NRCAM: variants seen among roughly 807,000 people sequenced by gnomAD.
The protein encoded by NRCAM is NgCAM-related cell adhesion molecule.
A neutral mutation model predicts 156.5 loss-of-function variants in NRCAM; 83 were observed. The ratio of observed to expected loss-of-function variants is 0.53; its 90% CI spans 0.44 to 0.64. The LOEUF (loss-of-function observed/expected upper bound fraction) is 0.64. NRCAM is among the 30% of genes least tolerant of loss of function. NRCAM has a pLI of 0.00. For synonymous variants in NRCAM, 538 were observed against 563.9 expected, an observed-to-expected ratio of 0.95 and a Z score of 0.65; for missense variants, 1,417 against 1,597.3, an observed-to-expected ratio of 0.89 and a Z score of 1.92.
chr7:108,195,710 G>T, intron 15 of NRCAM, 51 bp downstream of exon 15: 3 of 985,878 alleles, frequency 3.0e-6, no homozygotes, highest in Non-Finnish European at 3.2e-6. Context: ...AGAATATGAA[G>T]CCTTTAGCAA....
Position 108,358,757 on chromosome 7 carries a change from C to T in NRCAM, c.-174+40679G>A, listed in dbSNP as rs962139294. 9.8e-5 allele frequency among the ~76,000 whole-genome samples: 15 copies of T among 152,294 alleles called. No individual in the cohort carries two copies. The South Asian group carries it at 2.1e-3, about 21-fold the overall frequency. On this transcript the variant is annotated intron_variant, in intron 2 of 32. Transcript: ENST00000379028. ...GAGTTTGTTTACCCTATTAGCAAAA[C>T]GAACTGAGTACTGCCTCTGGGTATG...
chr7:108,245,894 G>C (rs7777092), intron 3 of NRCAM, among the ~76,000 whole-genome samples: 11,146 of 152,132 alleles, frequency 0.073, 594 homozygotes, highest in African/African-American at 0.14. Flanking sequence ...AAAGAAAATA[G>C]AACAATATGA....
intron 12 of NRCAM, 144 bp downstream of exon 12, chr7:108,209,277 A>G: frequency 1.7e-6 from 1 of 573,406 alleles, no homozygotes; most frequent in East Asian, 3.3e-5. Flanking sequence ...TGCACTACCA[A>G]TAGCAATGAG....
chr7:108,454,168 A>C (rs1853789988), intron 1 of NRCAM, among the ~76,000 whole-genome samples: 1 of 152,214 alleles, frequency 6.6e-6, no homozygotes, highest in African/African-American at 2.4e-5. Flanking sequence ...TATGTAAAGG[A>C]GTTACATGGG....
At chr7:108,436,003 G>A (rs1281023301) in intron 1 of NRCAM, among the ~76,000 whole-genome samples, 5 of 152,162 alleles carry the variant, frequency 3.3e-5, no homozygotes, top group African/African-American at 7.2e-5. Context: ...GCGTGTTGGC[G>A]GGCACCTGTA....
intron 25 of NRCAM, among the ~76,000 whole-genome samples, chr7:108,179,325 G>T (rs996029816): frequency 2.6e-5 from 4 of 152,144 alleles, no homozygotes; most frequent in African/African-American, 7.2e-5. Context: ...AATGAGATGG[G>T]AGCTGGGATG....
At chr7:108,310,492 G>A (rs1210312918) in intron 3 of NRCAM, among the ~76,000 whole-genome samples, 1 of 152,166 alleles carries the variant, frequency 6.6e-6, no homozygotes, top group Non-Finnish European at 1.5e-5. Context: ...AAGGATGTGG[G>A]ATGGGCCTGA....
At chr7:108,180,088 G>T in intron 25 of NRCAM, 135 bp downstream of exon 25, 3 of 702,362 alleles carry the variant, frequency 4.3e-6, no homozygotes, top group Non-Finnish European at 4.7e-6. Flanking sequence ...CTTTGTGTGT[G>T]CTGTATTCAT....
intron 1 of NRCAM, among the ~76,000 whole-genome samples, chr7:108,400,962 T>A (rs2099790860): frequency 6.6e-6 from 1 of 152,094 alleles, no homozygotes; most frequent in South Asian, 2.1e-4. Context: ...GGGTTCCTGC[T>A]TTTTAAGGAA....
At chr7:108,175,276 T>G in intron 28 of NRCAM, 46 bp downstream of exon 28, 1 of 1,512,394 alleles carries the variant, frequency 6.6e-7, no homozygotes. Flanking sequence ...TGTTTCACAT[T>G]GCAAATTTCA....
In NRCAM at chr7:108,226,269, A is replaced by G; in HGVS notation, c.660T>C (p.Ala220=). The change falls in exon 9 of 33, where the codon GCT becomes GCC. Residue 220 remains alanine (A), a synonymous_variant. Transcript: ENST00000379028. ...GTATGGTTTGAGTATGATTAAATCT[A>G]GCATAACAGATATAGTCTTCGCGGG... ...EDTREDYICY[A]RFNHTQTIQQ... 6.2e-7 allele frequency: 1 copy of G among 1,610,714 alleles called. No individual in the cohort carries two copies.
intron 3 of NRCAM, among the ~76,000 whole-genome samples, chr7:108,279,477 T>C (rs957985319): frequency 7.9e-5 from 12 of 152,122 alleles, no homozygotes; most frequent in African/African-American, 2.9e-4. Flanking sequence ...ATTTATGCCC[T>C]CACCCACAGT....
At chr7:108,224,969 CT>C (rs760402482) in intron 10 of NRCAM, among the ~76,000 whole-genome samples, 1 of 152,104 alleles carries the variant, frequency 6.6e-6, no homozygotes, top group Non-Finnish European at 1.5e-5. Flanking sequence ...GAAATTCTAC[CT>C]TATGGATAAT....
At chr7:108,309,124 T>C (rs1387681505) in intron 3 of NRCAM, among the ~76,000 whole-genome samples, 1 of 152,168 alleles carries the variant, frequency 6.6e-6, no homozygotes, top group Non-Finnish European at 1.5e-5. Flanking sequence ...CAGTGGTAAG[T>C]AGTCATTCTG....
chr7:108,452,671 T>C (rs894097221), intron 1 of NRCAM, among the ~76,000 whole-genome samples: 5 of 152,218 alleles, frequency 3.3e-5, no homozygotes, highest in Non-Finnish European at 7.3e-5. Context: ...TCATCAATCA[T>C]TGCAACAGCT....
chr7:108,427,343 C>T (rs549795209), intron 1 of NRCAM, among the ~76,000 whole-genome samples: 86 of 152,340 alleles, frequency 5.6e-4, no homozygotes, highest in African/African-American at 1.9e-3. Flanking sequence ...AAAGCGAACA[C>T]TCCCTGTGCC....
intron 25 of NRCAM, 76 bp from the exon 26 acceptor site, chr7:108,178,188 C>T (rs753608137): frequency 2.2e-5 from 33 of 1,487,164 alleles, no homozygotes; most frequent in Non-Finnish European, 3.0e-5. Context: ...TTTCACCGTG[C>T]TCGCACGATT....
At chr7:108,190,184 A>G (rs1421052929) in intron 19 of NRCAM, among the ~76,000 whole-genome samples, 1 of 152,262 alleles carries the variant, frequency 6.6e-6, no homozygotes, top group Non-Finnish European at 1.5e-5. Context: ...CTTTCTAAAA[A>G]AAATGCTGAA....
At chr7:108,321,670 C>T (rs2099002873) in intron 2 of NRCAM, among the ~76,000 whole-genome samples, 1 of 152,162 alleles carries the variant, frequency 6.6e-6, no homozygotes, top group Non-Finnish European at 1.5e-5. Context: ...GCCTCTACGA[C>T]CATCACTTTT....
Sources: allele counts gnomAD v4.1 joint callset (sites outside exome capture counted in the v4.1 genomes callset), GRCh38; gene constraint gnomAD v4.1.1; transcripts MANE v1.5; gene names NCBI Gene and HGNC (gene_info 2026-07-23, HGNC 2026-07-21).